ZBTB34: variants seen among roughly 807,000 people sequenced by gnomAD.
ZBTB34 encodes the protein zinc finger and BTB domain-containing protein 34.
Under a neutral mutation model 33.4 loss-of-function variants are expected in ZBTB34, and 1 was observed. That is an observed-to-expected ratio of 0.03 (90% CI 0.01 to 0.14). ZBTB34 has a LOEUF of 0.14. Among genes scored for constraint, ZBTB34 ranks in the 10% least tolerant of loss-of-function variants. The pLI, the probability that ZBTB34 is intolerant of heterozygous loss-of-function variation, is 1.00. For missense variants in ZBTB34, 406 were observed against 657.2 expected, an observed-to-expected ratio of 0.62 and a Z score of 4.18; for synonymous variants, 283 against 253.5, an observed-to-expected ratio of 1.12 and a Z score of -1.11.
chr9:126,870,578 CAAACTT>C (rs2033263744), intron 1 of ZBTB34, among the ~76,000 whole-genome samples: 1 of 152,148 alleles, frequency 6.6e-6, no homozygotes, highest in African/African-American at 2.4e-5. Flanking sequence ...AGTTCAAAGA[CAAACTT>C]AGACAAATTG....
At chr9:126,872,496 A>G (rs1214358641) in intron 1 of ZBTB34, among the ~76,000 whole-genome samples, 1 of 152,246 alleles carries the variant, frequency 6.6e-6, no homozygotes, top group Non-Finnish European at 1.5e-5. Flanking sequence ...AAGAGCTTCA[A>G]GAAACCAGTG....
chr9:126,860,644 C>A (rs1184288960), upstream of ZBTB34: 1 of 148,952 alleles, frequency 6.7e-6, no homozygotes, highest in African/African-American at 2.4e-5. Flanking sequence ...GGGGCGCGGG[C>A]TGGGGCGGCA....
At chr9:126,872,832 G>C (rs1380454309) in intron 1 of ZBTB34, among the ~76,000 whole-genome samples, 1 of 152,180 alleles carries the variant, frequency 6.6e-6, no homozygotes, top group Non-Finnish European at 1.5e-5. Context: ...ATGTAAGGGA[G>C]AGGAGAGCAA....
rs770580483 is a variant in ZBTB34, at chr9:126,880,358, G to C, written c.959G>C (p.Arg320Pro). 3 of 1,613,906 alleles carry C rather than the reference G, an allele frequency of 1.9e-6. No homozygotes were observed. The highest frequency in any genetic ancestry group is 2.5e-6 in the Non-Finnish European group (3 of 1,179,876). Residue 320 changes from arginine (R) to proline (P), a missense_variant, in exon 2 of 2, where the codon CGA becomes CCA. By Grantham distance (103) the Arg-to-Pro change is moderately radical (BLOSUM62 -2). Coordinates refer to ENST00000319119, the Ensembl canonical transcript of ZBTB34. This position sits in a 1 kb window ranked among gnomAD's most constrained non-coding sequence, Gnocchi z 6.7. Reference sequence around the variant, plus strand: ...TCCAGGTCCATGCTGAGCTGTTTCCGAGGAGGGCGTGCCCGCCAGAAGCGG... The same window carrying C: ...TCCAGGTCCATGCTGAGCTGTTTCCCAGGAGGGCGTGCCCGCCAGAAGCGG...
chr9:126,880,920 T>C lies in ZBTB34; in HGVS notation c.*6T>C, dbSNP rs752904694. On this transcript the variant is annotated 3_prime_UTR_variant, in exon 2 of 2. Transcript: ENST00000319119. The surrounding 1 kb of genome is among the most constrained non-coding windows in gnomAD (Gnocchi z 6.7). ...TGTCTGATGCTCCCGATTAAGATGG[T>C]AAAGAAGTGCACCCAAACAAAGCAC... 64 of 1,599,824 alleles carry C rather than the reference T, an allele frequency of 4.0e-5. No homozygotes were observed. Among genetic ancestry groups the C allele is most frequent in the Non-Finnish European group, 5.3e-5 (62 of 1,172,028 alleles).
chr9:126,869,127 T>A (rs1295921291), intron 1 of ZBTB34, among the ~76,000 whole-genome samples: 1 of 152,092 alleles, frequency 6.6e-6, no homozygotes, highest in Non-Finnish European at 1.5e-5. Flanking sequence ...TTGATGGATA[T>A]TACTAAAATG....
Position 126,880,494 on chromosome 9 carries a change from G to C in ZBTB34, c.1095G>C (p.Ala365=), listed in dbSNP as rs779656491. The C allele has an allele frequency of 7.4e-6, 12 of 1,613,814 alleles. No homozygotes were observed. Among genetic ancestry groups the C allele is most frequent in the Non-Finnish European group, 9.3e-6 (11 of 1,179,886 alleles). ...AGAGCAGTCCCCGGGAGAGGAGTGCGAGAGGGCATTGGTACCCGTACAATG... is the reference window on the plus strand; with the variant it reads ...AGAGCAGTCCCCGGGAGAGGAGTGCCAGAGGGCATTGGTACCCGTACAATG... The change falls in exon 2 of 2, where the codon GCG becomes GCC. Residue 365 remains alanine (A), a synonymous_variant. Transcript: ENST00000319119. The surrounding 1 kb of genome is among the most constrained non-coding windows in gnomAD (Gnocchi z 6.7).
At chr9:126,867,447 C>CTTTTTTTTTTTTTTTTTGTTTTTTTTTT (rs201325256) in intron 1 of ZBTB34, among the ~76,000 whole-genome samples, 1 of 119,510 alleles carries the variant, frequency 8.4e-6, no homozygotes, top group Non-Finnish European at 1.8e-5. Flanking sequence ...TGTCATTTTT[C>CTTTTTTTTTTTTTTTTTGTTTTTTTTTT]TTTTTTTTTT....
Position 126,879,075 on chromosome 9 carries a change from A to G in ZBTB34, c.-10-315A>G, listed in dbSNP as rs1331774375. The stretch of plus-strand genomic sequence containing the variant: ...CTTCAAACCCTCAAAAGTACTTGAA[A>G]TGGGGAAATATTTTTCCTAAAAGGA... On this transcript the variant is annotated intron_variant, in intron 1 of 1. Coordinates refer to ENST00000319119, the Ensembl canonical transcript of ZBTB34. This position sits in a 1 kb window ranked among gnomAD's most constrained non-coding sequence, Gnocchi z 6.4. Among the ~76,000 whole-genome samples, 1 of 152,192 alleles carries G rather than the reference A, an allele frequency of 6.6e-6. No individual in the cohort carries two copies. Among genetic ancestry groups the G allele is most frequent in the Non-Finnish European group, 1.5e-5 (1 of 68,028 alleles).
chr9:126,876,090 G>A (rs1240381177), intron 1 of ZBTB34, among the ~76,000 whole-genome samples: 1 of 143,220 alleles, frequency 7.0e-6, no homozygotes, highest in African/African-American at 2.6e-5. Flanking sequence ...CTAGCTATTG[G>A]GCTTGGGTTC....
At chr9:126,882,120 G>T (rs951144759) in exon 2 of ZBTB34, 1 of 167,020 alleles carries the variant, frequency 6.0e-6, no homozygotes, top group Non-Finnish European at 1.5e-5. Context: ...TTAGTATTGT[G>T]TGTGCTAATG....
chr9:126,867,864 C>G (rs1291577159), intron 1 of ZBTB34, among the ~76,000 whole-genome samples: 1 of 151,400 alleles, frequency 6.6e-6, no homozygotes, highest in African/African-American at 2.4e-5. Flanking sequence ...TTCCTTGGTG[C>G]TTTATAAGAA....
chr9:126,881,955 T>C (rs2033447864), exon 2 of ZBTB34: 1 of 166,826 alleles, frequency 6.0e-6, no homozygotes, highest in Non-Finnish European at 1.5e-5. Context: ...GTTGTGGTTT[T>C]TTTTGTTTTT....
chr9:126,880,188 C>T lies in ZBTB34; in HGVS notation c.789C>T (p.Thr263=), dbSNP rs371109319. 6.0e-5 allele frequency: 97 copies of T among 1,613,712 alleles called. No individual in the cohort carries two copies. Among genetic ancestry groups the T allele is most frequent in the Admixed American group, 1.0e-4 (6 of 60,002 alleles). Residue 263 remains threonine (T), a synonymous_variant, in exon 2 of 2, where the codon ACC becomes ACT. Transcript: ENST00000319119. This position sits in a 1 kb window ranked among gnomAD's most constrained non-coding sequence, Gnocchi z 6.7. ...CCCTGGGTGACGATGGGTACCACAC[C>T]GAGATGGTTGATGGGGAACAAGTTG...
chr9:126,874,736 C>G (rs1178971895), intron 1 of ZBTB34, among the ~76,000 whole-genome samples: 2 of 152,166 alleles, frequency 1.3e-5, no homozygotes, highest in African/African-American at 4.8e-5. Context: ...CCTCCCCAAC[C>G]CTTTGTACGT....
At chr9:126,869,072 C>T (rs1347679726) in intron 1 of ZBTB34, among the ~76,000 whole-genome samples, 3 of 152,086 alleles carry the variant, frequency 2.0e-5, no homozygotes, top group Non-Finnish European at 1.5e-5. Flanking sequence ...CACTAAACTC[C>T]TACAGCTGAA....
At chr9:126,876,739 G>A (rs1283594658) in intron 1 of ZBTB34, among the ~76,000 whole-genome samples, 1 of 152,134 alleles carries the variant, frequency 6.6e-6, no homozygotes, top group Non-Finnish European at 1.5e-5. Flanking sequence ...TTGTGCCTTG[G>A]CACTTCTGTT....
chr9:126,878,009 A>G (rs1463999657), intron 1 of ZBTB34, among the ~76,000 whole-genome samples: 1 of 152,100 alleles, frequency 6.6e-6, no homozygotes, highest in African/African-American at 2.4e-5. Context: ...TAAAAATAAA[A>G]TAAAAATAAA....
exon 2 of ZBTB34, chr9:126,881,093 G>A: frequency 2.9e-6 from 2 of 698,900 alleles, no homozygotes; most frequent in Non-Finnish European, 4.7e-6. Flanking sequence ...CTCCCTCCCC[G>A]AAGGAGCTCA....
Sources: allele counts gnomAD v4.1 joint callset (sites outside exome capture counted in the v4.1 genomes callset), GRCh38; gene constraint gnomAD v4.1.1; non-coding constraint Gnocchi (gnomAD v3.1); transcripts MANE v1.5; gene names NCBI Gene and HGNC (gene_info 2026-07-23, HGNC 2026-07-21).